The following TXNRD1 variants were observed in gnomAD, a reference collection of about 807,000 sequenced individuals.
TXNRD1 encodes thioredoxin reductase 1, cytoplasmic.
TXNRD1 carries 57 observed loss-of-function variants against 80.3 expected under a neutral mutation model. The ratio of observed to expected loss-of-function variants is 0.71; its 90% confidence interval spans 0.57 to 0.89. The LOEUF (loss-of-function observed/expected upper bound fraction) is 0.89. Ranked by LOEUF, TXNRD1 falls within the 40% of genes least tolerant of loss-of-function variation. The pLI, the probability that TXNRD1 is intolerant of heterozygous loss-of-function variation, is 0.00. For missense variants in TXNRD1, 730 were observed against 803.0 expected (o/e 0.91, Z 1.10); for synonymous variants, 291 against 285.2 (o/e 1.02, Z -0.20).
chr12:104,294,314 C>T lies in TXNRD1; in HGVS notation c.414+5274C>T, dbSNP rs535563669. On this transcript the variant is annotated intron_variant, in intron 4 of 16. Coordinates refer to ENST00000525566, the MANE Select transcript of TXNRD1 (RefSeq NM_001093771.3). ...GACACCTTTTGCTACTGCTGGACCA[C>T]GATCCTCTTGGTGACGGGCGTCTTC... 1.7e-4 allele frequency among the ~76,000 whole-genome samples: 26 copies of T among 150,364 alleles called. 2 individuals are homozygous for T. In the South Asian group the frequency reaches 4.3e-3, roughly 25 times the overall value.
chr12:104,244,344 A>G (rs2032934859), intron 1 of TXNRD1, among the ~76,000 whole-genome samples: 1 of 152,200 alleles, frequency 6.6e-6, no homozygotes, highest in East Asian at 1.9e-4. Context: ...CCACAGTTCA[A>G]ATATCTTGCT....
chr12:104,236,098 T>C (rs77176894), intron 1 of TXNRD1, among the ~76,000 whole-genome samples: 3,748 of 152,310 alleles, frequency 0.025, 69 homozygotes, highest in Non-Finnish European at 0.04. Flanking sequence ...GCTAGTTTCT[T>C]GGTCTGTTCC....
chr12:104,313,614 C>G (rs930978285), intron 6 of TXNRD1, among the ~76,000 whole-genome samples: 1 of 152,118 alleles, frequency 6.6e-6, no homozygotes, highest in African/African-American at 2.4e-5. Context: ...AAAATTTAAA[C>G]TTTTCATATG....
intron 15 of TXNRD1, among the ~76,000 whole-genome samples, chr12:104,337,052 C>T (rs1330013062): frequency 6.6e-6 from 1 of 152,028 alleles, no homozygotes; most frequent in Middle Eastern, 3.2e-3. Context: ...TGAATGCATA[C>T]ACATTATACA....
At chr12:104,314,777 T>C (rs1296303054) in intron 6 of TXNRD1, among the ~76,000 whole-genome samples, 2 of 146,836 alleles carry the variant, frequency 1.4e-5, no homozygotes, top group East Asian at 4.0e-4. Flanking sequence ...AGTCTCGCTC[T>C]GTCGCCCGGG....
intron 4 of TXNRD1, among the ~76,000 whole-genome samples, chr12:104,308,846 A>G (rs1328948125): frequency 9.2e-5 from 14 of 151,916 alleles, no homozygotes; most frequent in Non-Finnish European, 1.6e-4. Context: ...AATGGAACTG[A>G]ATGATAGCAC....
At chr12:104,227,639 A>G (rs998502685) in intron 1 of TXNRD1, among the ~76,000 whole-genome samples, 1 of 152,094 alleles carries the variant, frequency 6.6e-6, no homozygotes, top group African/African-American at 2.4e-5. Flanking sequence ...TTACCCCACA[A>G]AATTTCACCC....
At chr12:104,233,675 C>T (rs547878735) in intron 1 of TXNRD1, among the ~76,000 whole-genome samples, 41 of 152,250 alleles carry the variant, frequency 2.7e-4, no homozygotes, top group South Asian at 8.3e-4. Flanking sequence ...GTGCCAGCCA[C>T]TACGCCTGGC....
chr12:104,264,574 T>C (rs2033435431), intron 3 of TXNRD1, among the ~76,000 whole-genome samples: 1 of 152,212 alleles, frequency 6.6e-6, no homozygotes, highest in African/African-American at 2.4e-5. Context: ...TCACATATAA[T>C]TGCATCCAGA....
At chr12:104,327,859 T>G (rs1268609463) in intron 13 of TXNRD1, among the ~76,000 whole-genome samples, 188 bp downstream of exon 13, 1 of 151,258 alleles carries the variant, frequency 6.6e-6, no homozygotes, top group Non-Finnish European at 1.5e-5. Flanking sequence ...ATTGTGACTT[T>G]ATTATGAAGA....
At chr12:104,265,661 G>A (rs1041457429) in intron 3 of TXNRD1, 1 of 1,605,890 alleles carries the variant, frequency 6.2e-7, no homozygotes, top group African/African-American at 1.3e-5. Flanking sequence ...GCCCGGCACC[G>A]CGCCCGAGCC....
intron 1 of TXNRD1, among the ~76,000 whole-genome samples, chr12:104,235,895 G>C (rs1339808397): frequency 6.6e-6 from 1 of 152,148 alleles, no homozygotes; most frequent in Non-Finnish European, 1.5e-5. Context: ...CTGTCTTCTT[G>C]TGCTAAGTCA....
intron 1 of TXNRD1, among the ~76,000 whole-genome samples, chr12:104,217,014 G>C (rs530751641): frequency 8.5e-5 from 13 of 152,282 alleles, no homozygotes; most frequent in African/African-American, 3.1e-4. Flanking sequence ...GAAGCAGCCG[G>C]TGAGACCATG....
chr12:104,227,541 A>G (rs558958014), intron 1 of TXNRD1, among the ~76,000 whole-genome samples: 1 of 152,294 alleles, frequency 6.6e-6, no homozygotes, highest in African/African-American at 2.4e-5. Flanking sequence ...TGCTGTGATT[A>G]CAGGTGGGAG....
intron 1 of TXNRD1, among the ~76,000 whole-genome samples, chr12:104,235,212 T>A (rs891453716): frequency 2.0e-5 from 3 of 152,198 alleles, no homozygotes; most frequent in African/African-American, 4.8e-5. Context: ...TGCTACTGTG[T>A]CCGATCCCCA....
In TXNRD1 at chr12:104,331,629, A is replaced by G. The variant is rs757267870; in HGVS notation, c.1638A>G (p.Glu546=). The change falls in exon 14 of 17, where the codon GAA becomes GAG. Residue 546 remains glutamate (E), a synonymous_variant. Coordinates refer to ENST00000525566, the MANE Select transcript of TXNRD1 (RefSeq NM_001093771.3). ...SEEKAVEKFG[E]ENIEVYHSYF... is the part of the protein sequence containing the mutation. Reference sequence around the variant, plus strand: ...AGAAAGCTGTGGAGAAGTTTGGGGAAGAAAATATTGAGGTAAGTTCTTTTC... The same window carrying G: ...AGAAAGCTGTGGAGAAGTTTGGGGAGGAAAATATTGAGGTAAGTTCTTTTC... The G allele has an allele frequency of 3.1e-6, 5 of 1,610,046 alleles. No individual in the cohort carries two copies. Among genetic ancestry groups the G allele is most frequent in the Non-Finnish European group, 4.2e-6 (5 of 1,177,096 alleles).
At chr12:104,283,168 A>C (rs10861185) in intron 3 of TXNRD1, among the ~76,000 whole-genome samples, 90,437 of 152,034 alleles carry the variant, frequency 0.59, 27,193 homozygotes, top group African/African-American at 0.65. Flanking sequence ...GTGAAGTTGG[A>C]CTTCACTATT....
chr12:104,276,203 C>T (rs2033754088), intron 3 of TXNRD1, among the ~76,000 whole-genome samples: 1 of 152,160 alleles, frequency 6.6e-6, no homozygotes, highest in African/African-American at 2.4e-5. Flanking sequence ...AAGGTGGGGT[C>T]CCCTAAGACC....
At chr12:104,320,104 C>G (rs1482786822) in intron 9 of TXNRD1, among the ~76,000 whole-genome samples, 2 of 152,182 alleles carry the variant, frequency 1.3e-5, no homozygotes, top group African/African-American at 4.8e-5. Context: ...AGAAGGACCT[C>G]CTGAAACAAG....
Sources: allele counts gnomAD v4.1 joint callset (sites outside exome capture counted in the v4.1 genomes callset), GRCh38; gene constraint gnomAD v4.1.1; transcripts MANE v1.5; gene names NCBI Gene and HGNC (gene_info 2026-07-23, HGNC 2026-07-21).